Variants in ANKRD2 observed in about 807,000 individuals in gnomAD.
ANKRD2 encodes the protein ankyrin repeat domain-containing protein 2.
In ANKRD2, 35 loss-of-function variants were observed where a neutral mutation model predicts 37.3. That is an observed-to-expected ratio of 0.94 (90% CI 0.72 to 1.24). The LOEUF is 1.24. Ranked by LOEUF, ANKRD2 falls within the 50% of genes most tolerant of loss-of-function variation. ANKRD2 has a pLI of 0.00. For synonymous variants in ANKRD2, 159 were observed against 186.5 expected (o/e 0.85, Z 1.20); for missense variants, 410 against 445.6 (o/e 0.92, Z 0.72).
intron 6 of ANKRD2, 146 bp downstream of exon 6, chr10:97,581,560 C>T: frequency 1.3e-6 from 1 of 767,788 alleles, no homozygotes; most frequent in Non-Finnish European, 2.1e-6. Flanking sequence ...AAAACAGTGT[C>T]CTACTGGGCC....
At chr10:97,576,963 G>C (rs1020727585) in intron 1 of ANKRD2, among the ~76,000 whole-genome samples, 2 of 151,998 alleles carry the variant, frequency 1.3e-5, no homozygotes, top group Non-Finnish European at 1.5e-5. Flanking sequence ...CTCCCAAAGT[G>C]CTTGGATTAT....
chr10:97,578,909 C>T (rs2135703311), intron 4 of ANKRD2, among the ~76,000 whole-genome samples: 2 of 152,290 alleles, frequency 1.3e-5, no homozygotes, highest in South Asian at 4.1e-4. Context: ...GCTCAAATCC[C>T]ATCTCTCTCA....
At chr10:97,582,256 C>G (rs940658328) in intron 6 of ANKRD2, 59 bp from the exon 7 acceptor site, 93 of 1,439,084 alleles carry the variant, frequency 6.5e-5, no homozygotes, top group Middle Eastern at 1.7e-4. Context: ...CCCCCGCCTT[C>G]CCAGGGGTAC....
At chr10:97,572,722 C>T (rs1564747846), upstream of ANKRD2, 1 of 1,605,064 alleles carries the variant, frequency 6.2e-7, no homozygotes, top group Non-Finnish European at 8.5e-7. Context: ...CAAAGGCGCC[C>T]AGCTGGGCAG....
intron 1 of ANKRD2, 74 bp downstream of exon 1, chr10:97,572,949 G>A: frequency 6.7e-7 from 1 of 1,501,858 alleles, no homozygotes; most frequent in South Asian, 1.3e-5. Context: ...GGGAGATCCT[G>A]TCTGCTACAC....
In ANKRD2 at chr10:97,580,838, A is replaced by G. The variant is rs371845826; in HGVS notation, c.457-17A>G. On this transcript the variant is annotated splice_polypyrimidine_tract_variant and intron_variant, in intron 4 of 8. Transcript: ENST00000370655. ...CTGGAGCCAGAGGCCAGGCCCTGAC[A>G]GCCTCTCTGGGGACAGTTCCGTCGG... 1.1e-4 allele frequency: 182 copies of G among 1,600,778 alleles called. No homozygotes were observed. Among genetic ancestry groups the G allele is most frequent in the Admixed American group, 8.2e-4 (48 of 58,712 alleles).
At chr10:97,573,832 T>G (rs2040790562) in intron 1 of ANKRD2, among the ~76,000 whole-genome samples, 1 of 152,214 alleles carries the variant, frequency 6.6e-6, no homozygotes, top group Non-Finnish European at 1.5e-5. Flanking sequence ...CCCTGCCTTC[T>G]TTTTACCAAC....
intron 1 of ANKRD2, among the ~76,000 whole-genome samples, chr10:97,575,776 C>T (rs2040819433): frequency 1.3e-5 from 2 of 152,014 alleles, no homozygotes; most frequent in Non-Finnish European, 2.9e-5. Context: ...CCAGGCGTGG[C>T]GGCATGCGCC....
chr10:97,574,282 C>CAA (rs34161831), intron 1 of ANKRD2, among the ~76,000 whole-genome samples: 4 of 138,876 alleles, frequency 2.9e-5, no homozygotes, highest in African/African-American at 2.8e-5. Context: ...GACTCCGTCT[C>CAA]AAAAAAAAAA....
At chr10:97,578,210 C>T (rs1395284171) in intron 2 of ANKRD2, 30 bp from the exon 3 acceptor site, 1 of 1,601,632 alleles carries the variant, frequency 6.2e-7, no homozygotes, top group Non-Finnish European at 8.5e-7. Flanking sequence ...CTCTGCCCGG[C>T]CTGGGGGGTT....
At chr10:97,572,675 G>T (rs1223347085), upstream of ANKRD2, 19 of 1,580,320 alleles carry the variant, frequency 1.2e-5, no homozygotes, top group Non-Finnish European at 1.6e-5. Flanking sequence ...TGACAGGTGG[G>T]GGAGGCAGGT....
chr10:97,583,578 A>G lies in ANKRD2; in HGVS notation c.855A>G (p.Ala285=), dbSNP rs143138428. 1.5e-3 allele frequency: 2,327 copies of G among 1,601,636 alleles called. 24 individuals carry two copies. The African/African-American group carries it at 0.027, about 19-fold the overall frequency. ...ACGCCCCGTCCCGCCCCCTCCAGGCAGGAAAGACCCCGACGGACCTGGTGC... is the reference window on the plus strand; with the variant it reads ...ACGCCCCGTCCCGCCCCCTCCAGGCGGGAAAGACCCCGACGGACCTGGTGC... ...HGADMMTKNL[A]GKTPTDLVQL... The change falls in exon 9 of 9, where the codon GCA becomes GCG. Residue 285 remains alanine (A), a splice_region_variant and synonymous_variant. Transcript: ENST00000370655.
intron 2 of ANKRD2, 106 bp downstream of exon 2, chr10:97,578,007 C>A: frequency 8.5e-7 from 1 of 1,180,900 alleles, no homozygotes; most frequent in Non-Finnish European, 1.2e-6. Context: ...TTCAGCACCC[C>A]CGGTAGAGCT....
chr10:97,577,235 C>T (rs930991969), intron 1 of ANKRD2, among the ~76,000 whole-genome samples: 1 of 151,972 alleles, frequency 6.6e-6, no homozygotes, highest in African/African-American at 2.4e-5. Context: ...AACTTCTGGG[C>T]TCAAGAGATC....
At chr10:97,581,188 G>T in intron 5 of ANKRD2, 128 bp from the exon 6 acceptor site, 1 of 957,668 alleles carries the variant, frequency 1.0e-6, no homozygotes, top group Non-Finnish European at 1.6e-6. Context: ...TTGGTCCATT[G>T]CCCATGCCCA....
chr10:97,578,521 C>T lies in ANKRD2; in HGVS notation c.372C>T (p.Thr124=). ...AGACTGGCCCTGTGGATGAGGAGAC[C>T]TTCCTGAAAGCTGCGGTGGAGGGGA... ...EEITGPVDEE[T]FLKAAVEGKM... Residue 124 remains threonine, a synonymous_variant, in exon 4 of 9, where the codon ACC becomes ACT. Transcript: ENST00000370655. 6.3e-7 allele frequency: 1 copy of T among 1,580,874 alleles called. No homozygotes were observed. Among genetic ancestry groups the T allele is most frequent in the South Asian group, 1.1e-5 (1 of 87,038 alleles).
Position 97,578,573 on chromosome 10 carries a change from G to C in ANKRD2, c.424G>C (p.Ala142Pro). The change falls in exon 4 of 9, where the codon GCT becomes CCT. Residue 142 changes from alanine (A) to proline (P), a missense_variant. Physicochemically the swap from Ala to Pro is conservative, Grantham distance 27. Transcript: ENST00000370655. ...GKMKVIEKFL[A>P]DGGSADTCDQ... Reference sequence around the variant, plus strand: ...AATGAAGGTCATTGAGAAGTTCCTGGCTGACGGGGGGTCAGCCGACACGTG... The same window carrying C: ...AATGAAGGTCATTGAGAAGTTCCTGCCTGACGGGGGGTCAGCCGACACGTG... 2 of 1,563,404 alleles carry C rather than the reference G, an allele frequency of 1.3e-6. No individual in the cohort carries two copies. Among genetic ancestry groups the C allele is most frequent in the Non-Finnish European group, 1.7e-6 (2 of 1,153,602 alleles).
At chr10:97,578,454 C>T (rs774202343) in intron 3 of ANKRD2, 44 bp from the exon 4 acceptor site, 3 of 1,604,964 alleles carry the variant, frequency 1.9e-6, no homozygotes, top group East Asian at 2.3e-5. Flanking sequence ...CGGGAGGCTT[C>T]GGATTGCTGG....
At chr10:97,580,051 G>A (rs528296013) in intron 4 of ANKRD2, among the ~76,000 whole-genome samples, 2 of 152,266 alleles carry the variant, frequency 1.3e-5, no homozygotes, top group Admixed American at 6.5e-5. Flanking sequence ...CTGCATTATT[G>A]TAGACTTGGA....
Sources: gnomAD v4.1 joint callset for allele counts (sites outside exome capture counted in the v4.1 genomes callset) on GRCh38, gnomAD v4.1.1 for gene constraint, MANE v1.5 for transcripts, NCBI Gene and HGNC (gene_info 2026-07-23, HGNC 2026-07-21) for gene names.